Variants in MMP26 observed in about 807,000 individuals in gnomAD.
MMP26 encodes the protein matrix metalloproteinase-26.
A neutral mutation model predicts 31.0 loss-of-function variants in MMP26; 33 were observed. The ratio of observed to expected loss-of-function variants is 1.06; its 90% confidence interval spans 0.81 to 1.42. The LOEUF is 1.42. MMP26 is among the 40% of genes most tolerant of loss of function. The probability of loss-of-function intolerance (pLI) is 0.00; values close to 1 mark genes in which losing one functional copy is unlikely to be tolerated. For synonymous variants in MMP26, 122 were observed against 114.9 expected, an observed-to-expected ratio of 1.06 and a Z score of -0.40; for missense variants, 347 against 316.1, an observed-to-expected ratio of 1.10 and a Z score of -0.74.
chr11:4,973,517 T>C (rs1044841483), intron 2 of MMP26: 2 of 152,342 alleles, frequency 1.3e-5, no homozygotes, highest in African/African-American at 4.9e-5. Flanking sequence ...AATAAAGCGA[T>C]CAAAGGACAT....
chr11:4,893,095 GT>G (rs1850651336), intron 2 of MMP26, among the ~76,000 whole-genome samples: 2 of 151,894 alleles, frequency 1.3e-5, no homozygotes, highest in South Asian at 4.1e-4. Flanking sequence ...TCAAAGTCAT[GT>G]TTAATGCCCT....
At chr11:4,918,501 A>G (rs908999095) in intron 2 of MMP26, among the ~76,000 whole-genome samples, 2 of 152,146 alleles carry the variant, frequency 1.3e-5, no homozygotes, top group Non-Finnish European at 2.9e-5. Context: ...TAAAATTCAG[A>G]ATAATGATGC....
chr11:4,770,834 T>G (rs560397786), intron 2 of MMP26, among the ~76,000 whole-genome samples: 1 of 151,424 alleles, frequency 6.6e-6, no homozygotes, highest in South Asian at 2.1e-4. Flanking sequence ...AGTGAGAGAC[T>G]CCGTCTAAAA....
At chr11:4,835,810 G>A (rs1287091239) in intron 2 of MMP26, among the ~76,000 whole-genome samples, 2 of 152,088 alleles carry the variant, frequency 1.3e-5, no homozygotes, top group Non-Finnish European at 2.9e-5. Flanking sequence ...CAGCTATAAA[G>A]CTCTTTATTC....
Position 4,992,013 on chromosome 11 carries a change from C to CCTG in MMP26, c.647_649dup (p.Leu216dup). 6.2e-7 allele frequency: 1 copy of CCTG among 1,613,390 alleles called. No individual in the cohort carries two copies. Among genetic ancestry groups the CCTG allele is most frequent in the Non-Finnish European group, 8.5e-7 (1 of 1,179,842 alleles). On this transcript the variant is annotated inframe_insertion, in exon 7 of 8. Coordinates refer to ENST00000380390, the MANE Select transcript of MMP26 (RefSeq NM_021801.5). ...CTCATGAGATTGGGCATTCTTTGGG[C>CCTG]CTGCAGCACTCTGGGAATCAGAGCT...
chr11:4,907,343 G>A (rs375433219), intron 2 of MMP26: 158 of 1,464,910 alleles, frequency 1.1e-4, no homozygotes, highest in Middle Eastern at 7.9e-4. Context: ...TTTCAGATCC[G>A]GCTAACGAGC....
At chr11:4,939,253 A>G (rs1269772738) in intron 2 of MMP26, among the ~76,000 whole-genome samples, 1 of 152,140 alleles carries the variant, frequency 6.6e-6, no homozygotes, top group Non-Finnish European at 1.5e-5. Context: ...TTGTAGCTCC[A>G]AAATTATTTA....
At chr11:4,709,590 A>G (rs1847830203) in intron 1 of MMP26, 3 of 453,152 alleles carry the variant, frequency 6.6e-6, no homozygotes, top group Non-Finnish European at 1.3e-5. Flanking sequence ...CAACCAGAGT[A>G]TTTTCCACCC....
At chr11:4,915,029 A>G (rs751546734) in intron 2 of MMP26, 2 of 1,614,098 alleles carry the variant, frequency 1.2e-6, no homozygotes, top group Non-Finnish European at 1.7e-6. Flanking sequence ...GTCTATACCC[A>G]CTGTAGAGAC....
intron 1 of MMP26, among the ~76,000 whole-genome samples, chr11:4,765,003 C>T (rs1294619147): frequency 2.6e-5 from 4 of 152,154 alleles, no homozygotes; most frequent in Admixed American, 6.5e-5. Context: ...ATCTGTTGAG[C>T]AACCCACAGC....
At chr11:4,923,225 G>A (rs187996854) in intron 2 of MMP26, 121 of 629,118 alleles carry the variant, frequency 1.9e-4, no homozygotes, top group African/African-American at 1.9e-3. Flanking sequence ...AGAGAGGTAA[G>A]TAACTTTCTC....
intron 2 of MMP26, among the ~76,000 whole-genome samples, chr11:4,986,298 A>AT (rs1162510574): frequency 6.6e-6 from 1 of 151,962 alleles, no homozygotes; most frequent in Non-Finnish European, 1.5e-5. Flanking sequence ...ATAATTGTGT[A>AT]TTTTTAACAA....
intron 2 of MMP26, chr11:4,769,459 A>G: frequency 6.2e-7 from 1 of 1,613,062 alleles, no homozygotes; most frequent in Non-Finnish European, 8.5e-7. Flanking sequence ...GTACTATAGC[A>G]CGTGTAATCA....
chr11:4,757,069 A>C (rs1848513608), intron 1 of MMP26, among the ~76,000 whole-genome samples: 1 of 152,122 alleles, frequency 6.6e-6, no homozygotes, highest in African/African-American at 2.4e-5. Context: ...AGAAGAAACA[A>C]CCTGGATTGA....
intron 2 of MMP26, among the ~76,000 whole-genome samples, chr11:4,851,771 G>T (rs1391666879): frequency 6.6e-6 from 1 of 151,960 alleles, no homozygotes; most frequent in African/African-American, 2.4e-5. Context: ...ATAGTAATGT[G>T]CATATTGTAA....
intron 2 of MMP26, chr11:4,768,996 G>A (rs1450100685): frequency 7.3e-6 from 11 of 1,505,980 alleles, no homozygotes; most frequent in Non-Finnish European, 9.8e-6. Context: ...GTAAGCAGCA[G>A]ACTGAGCATA....
In MMP26 at chr11:4,808,019, G is replaced by A. The variant is rs368980419; in HGVS notation, c.-145+40678G>A. Among the ~76,000 whole-genome samples the A allele has an allele frequency of 9.3e-4, 141 of 152,138 alleles. 2 individuals are homozygous for A. Among genetic ancestry groups the A allele is most frequent in the African/African-American group, 2.9e-3 (121 of 41,506 alleles). On this transcript the variant is annotated intron_variant, in intron 2 of 7. Transcript: ENST00000380390. ...CAGGGTCTCACTATGTTACCCAAGC[G>A]TGTCTCAAACTCTTGGGCTCAAGTG...
intron 2 of MMP26, among the ~76,000 whole-genome samples, chr11:4,976,634 G>A (rs965995941): frequency 6.6e-6 from 1 of 151,920 alleles, no homozygotes; most frequent in Non-Finnish European, 1.5e-5. Context: ...CCTTTTTAGT[G>A]GAACAAAGGC....
At chr11:4,838,511 C>T (rs1452782257) in intron 2 of MMP26, among the ~76,000 whole-genome samples, 1 of 151,810 alleles carries the variant, frequency 6.6e-6, no homozygotes, top group Non-Finnish European at 1.5e-5. Flanking sequence ...TGTAGAAGAG[C>T]ATTTATTAGA....
Sources: allele counts gnomAD v4.1 joint callset (sites outside exome capture counted in the v4.1 genomes callset), GRCh38; gene constraint gnomAD v4.1.1; transcripts MANE v1.5; gene names NCBI Gene and HGNC (gene_info 2026-07-23, HGNC 2026-07-21).